The following MACF1 variants were observed in gnomAD, a reference collection of about 807,000 sequenced individuals.
MACF1 encodes the protein microtubule-actin cross-linking factor 1.
In MACF1, 193 loss-of-function variants were observed where a neutral mutation model predicts 854.8. The ratio of observed to expected loss-of-function variants is 0.23; its 90% CI spans 0.20 to 0.25. The LOEUF is 0.25. Ranked by LOEUF, MACF1 falls within the 10% of genes least tolerant of loss-of-function variation. The probability of loss-of-function intolerance (pLI) is 1.00; values close to 1 mark genes in which losing one functional copy is unlikely to be tolerated. For missense variants in MACF1, 7,722 were observed against 8,929.1 expected, an observed-to-expected ratio of 0.86 and a Z score of 5.45; for synonymous variants, 3,185 against 3,226.7, an observed-to-expected ratio of 0.99 and a Z score of 0.44.
At position 39,250,938 on chromosome 1, in the gene MACF1, A is replaced by C. The variant is rs190206036; in HGVS notation, c.261+835A>C. Among the ~76,000 whole-genome samples the C allele has an allele frequency of 5.2e-3, 787 of 152,364 alleles. 4 individuals are homozygous for C. The highest frequency in any genetic ancestry group is 0.014 in the Middle Eastern group (4 of 294). The stretch of plus-strand genomic sequence containing the variant: ...TCATGCCATAGACAACATAATTTTC[A>C]TTTAGAAAAGTCCAGGGTTGAATAC... On this transcript the variant is annotated intron_variant, in intron 3 of 100. Coordinates refer to ENST00000564288, the MANE Select transcript of MACF1 (RefSeq NM_001394062.1).
intron 97 of MACF1, among the ~76,000 whole-genome samples, chr1:39,475,278 A>G (rs1256071140): frequency 6.6e-6 from 1 of 152,094 alleles, no homozygotes; most frequent in East Asian, 1.9e-4. Context: ...AGCTGTTGAC[A>G]ACAGATTTTC....
Position 39,368,312 on chromosome 1 carries a change from G to A in MACF1, c.12936G>A (p.Glu4312=), listed in dbSNP as rs750610786. The A allele has an allele frequency of 1.2e-6, 2 of 1,612,386 alleles. No homozygotes were observed. Among genetic ancestry groups the A allele is most frequent in the Admixed American group, 3.3e-5 (2 of 59,970 alleles). The change falls in exon 50 of 101, where the codon GAG becomes GAA. Residue 4312 remains glutamate, a splice_region_variant and synonymous_variant. Coordinates refer to ENST00000564288, the MANE Select transcript of MACF1 (RefSeq NM_001394062.1). The part of the protein sequence containing the change: ...DFTELQKTVK[E]REKDASSCQE... The stretch of plus-strand genomic sequence containing the variant: ...CAGAGCTACAGAAGACAGTTAAAGA[G>A]AGGTGAGTTATCACTTGTGTTGGTC...
In MACF1 at chr1:39,437,837, A is replaced by G. The variant is rs1243855963; in HGVS notation, c.18049A>G (p.Met6017Val). 3 of 1,614,158 alleles carry G rather than the reference A, an allele frequency of 1.9e-6. No homozygotes were observed. The highest frequency in any genetic ancestry group is 2.5e-6 in the Non-Finnish European group (3 of 1,180,012). Residue 6017 changes from methionine to valine, a missense_variant, in exon 71 of 101, where the codon ATG becomes GTG. Met to Val is a conservative substitution (Grantham distance 21). Around this residue, in one of 15 missense-constraint regions of MACF1, gnomAD observed 2,807 missense variants for 3,235.8 expected, o/e 0.87. Coordinates refer to ENST00000564288, the MANE Select transcript of MACF1 (RefSeq NM_001394062.1). Reference protein sequence around the residue: ...TLENLSSRLRMPPLIPAEVDK... With the variant: ...TLENLSSRLRVPPLIPAEVDK... ...GGAGAATCTTTCCTCTCGCCTGCGT[A>G]TGCCACCACTGATCCCTGCTGAAGT...
rs1642895338 is a variant in MACF1, at chr1:39,409,612, C to A, written c.15817-12762C>A. On this transcript the variant is annotated intron_variant, in intron 58 of 100. Coordinates refer to ENST00000564288, the MANE Select transcript of MACF1 (RefSeq NM_001394062.1). The surrounding 1 kb of genome is among the most constrained non-coding windows in gnomAD (Gnocchi z 4.2). ...CGCAGGGTTGGCCTGGGAGCCACAA[C>A]AATGCCATGATGTTTTGGAGACAGG... The A allele has an allele frequency of 6.6e-6, 1 of 152,280 alleles. No individual in the cohort carries two copies. Among genetic ancestry groups the A allele is most frequent in the African/African-American group, 2.4e-5 (1 of 41,474 alleles). 9.4% of individuals were successfully genotyped at this position (152,280 alleles called of 1,614,324 possible). A position where few individuals can be genotyped will look rare whatever the true frequency, so the allele number is the denominator to read the frequency against.
intron 52 of MACF1, among the ~76,000 whole-genome samples, chr1:39,374,513 A>G (rs1480148690): frequency 6.6e-6 from 1 of 152,224 alleles, no homozygotes; most frequent in African/African-American, 2.4e-5. Context: ...CGTGTGACTA[A>G]ATCAGAGTCA....
intron 21 of MACF1, chr1:39,298,720 A>T (rs1257371071): frequency 2.5e-6 from 1 of 404,198 alleles, no homozygotes; most frequent in African/African-American, 2.1e-5. Context: ...TGTTAATTTA[A>T]TTAATTTGGA....
intron 2 of MACF1, among the ~76,000 whole-genome samples, chr1:39,147,360 TTC>T (rs1037844832): frequency 1.3e-5 from 2 of 150,948 alleles, no homozygotes; most frequent in Admixed American, 6.6e-5. Flanking sequence ...TTCATTTTCC[TTC>T]TCTTTTCTCT....
At chr1:39,351,087 C>T in intron 43 of MACF1, 69 bp downstream of exon 43, 1 of 1,132,220 alleles carries the variant, frequency 8.8e-7, no homozygotes, top group Non-Finnish European at 1.3e-6. Flanking sequence ...AAATAAAAGA[C>T]AGTGAGGGGA....
At chr1:39,328,272 C>T (rs574625956) in intron 36 of MACF1, 1 of 152,228 alleles carries the variant, frequency 6.6e-6, no homozygotes, top group African/African-American at 2.4e-5. Context: ...TTAAGGTAGC[C>T]CACTTCCAGT....
At chr1:39,174,409 G>C (rs1643997298) in intron 2 of MACF1, among the ~76,000 whole-genome samples, 1 of 152,194 alleles carries the variant, frequency 6.6e-6, no homozygotes. Flanking sequence ...ACTGTGTATG[G>C]CAAATGCTGA....
chr1:39,353,282 G>T, intron 44 of MACF1, 51 bp downstream of exon 44: 1 of 1,408,982 alleles, frequency 7.1e-7, no homozygotes. Context: ...CTCCTGCCCT[G>T]AGCAAGTAAC....
chr1:39,366,302 C>T (rs1648704648), intron 49 of MACF1, among the ~76,000 whole-genome samples: 5 of 152,008 alleles, frequency 3.3e-5, no homozygotes, highest in African/African-American at 7.3e-5. Context: ...GTCAGATCTG[C>T]TTTTGTGTTT....
intron 2 of MACF1, among the ~76,000 whole-genome samples, chr1:39,159,399 G>GT (rs113547609): frequency 1.6e-4 from 25 of 152,336 alleles, no homozygotes; most frequent in African/African-American, 5.3e-4. Context: ...CTTGGGCCAG[G>GT]TTTTCCAGTT....
intron 2 of MACF1, among the ~76,000 whole-genome samples, chr1:39,091,520 A>T (rs1641801803): frequency 6.6e-6 from 1 of 152,010 alleles, no homozygotes; most frequent in Admixed American, 6.6e-5. Context: ...TTTTTGAGAC[A>T]GAGTCTCGCT....
Position 39,429,811 on chromosome 1 carries a change from G to A in MACF1, c.16889-16G>A. ...AGGTCTCTTAAATATGAGTAATTGT[G>A]TGCTATCTTCCATAGGTGAGGAGGT... On this transcript the variant is annotated splice_polypyrimidine_tract_variant and intron_variant, in intron 64 of 100. Transcript: ENST00000564288. 6.2e-7 allele frequency: 1 copy of A among 1,613,230 alleles called. No individual in the cohort carries two copies. The highest frequency in any genetic ancestry group is 8.5e-7 in the Non-Finnish European group (1 of 1,179,356).
rs185907284 is a variant in MACF1, at chr1:39,414,431, A to G, written c.15817-7943A>G. 9 of 1,613,924 alleles carry G rather than the reference A, an allele frequency of 5.6e-6. No homozygotes were observed. In the African/African-American group the frequency reaches 8.0e-5, roughly 14 times the overall value. On this transcript the variant is annotated intron_variant, in intron 58 of 100. Transcript: ENST00000564288. ...AAAGAGGTGACCAGCACAGTGCTAC[A>G]TGGGAAAGTGCCTCTGGCTGCAACC...
chr1:39,321,086 G>A (rs1040668679), intron 31 of MACF1, among the ~76,000 whole-genome samples: 3 of 152,236 alleles, frequency 2.0e-5, no homozygotes, highest in African/African-American at 7.2e-5. Context: ...CTCAGTGTGT[G>A]TGTATAGCAC....
intron 56 of MACF1, among the ~76,000 whole-genome samples, chr1:39,384,154 G>A (rs1416700545): frequency 1.3e-5 from 2 of 151,962 alleles, no homozygotes; most frequent in African/African-American, 2.4e-5. Flanking sequence ...AGAACTGCTC[G>A]TTCTTTATTG....
At chr1:39,192,331 T>C (rs1644263657) in intron 2 of MACF1, among the ~76,000 whole-genome samples, 1 of 152,062 alleles carries the variant, frequency 6.6e-6, no homozygotes, top group African/African-American at 2.4e-5. Context: ...CCTCGGGGAA[T>C]GGAAAAATTG....
Sources: allele counts gnomAD v4.1 joint callset (sites outside exome capture counted in the v4.1 genomes callset), GRCh38; gene constraint gnomAD v4.1.1; regional missense constraint gnomAD v4.1.1; non-coding constraint Gnocchi (gnomAD v3.1); transcripts MANE v1.5; gene names NCBI Gene and HGNC (gene_info 2026-07-23, HGNC 2026-07-21).